ARFIP1: variants seen among roughly 807,000 people sequenced by gnomAD.
The protein encoded by ARFIP1 is ARF interacting protein 1, also known as arfaptin-1.
A neutral mutation model predicts 42.5 loss-of-function variants in ARFIP1; 24 were observed. That is an observed-to-expected ratio of 0.57 (90% confidence interval 0.41 to 0.80). ARFIP1 has a LOEUF of 0.80. Among genes scored for constraint, ARFIP1 ranks in the 30% least tolerant of loss-of-function variants. ARFIP1 has a pLI of 0.00. For synonymous variants in ARFIP1, 141 were observed against 153.7 expected (o/e 0.92, Z 0.61); for missense variants, 354 against 434.0 (o/e 0.82, Z 1.64).
Position 152,811,802 on chromosome 4 carries a change from A to AT in ARFIP1, c.-9-17817dup, listed in dbSNP as rs994052806. ...AAAGCATGAGTGAGGTATCATGTAT[A>AT]TTTTTTGTCCAGGGAGATAACATGG... On this transcript the variant is annotated intron_variant, in intron 1 of 8. Coordinates refer to ENST00000353617, the MANE Select transcript of ARFIP1 (RefSeq NM_001025595.3). Among the ~76,000 whole-genome samples the AT allele has an allele frequency of 3.9e-5, 6 of 152,276 alleles. 1 individual carries two copies. The highest frequency in any genetic ancestry group is 3.9e-4 in the East Asian group (2 of 5,176).
At chr4:152,889,532 T>C (rs1277960693) in intron 8 of ARFIP1, among the ~76,000 whole-genome samples, 14 of 46,898 alleles carry the variant, frequency 3.0e-4, no homozygotes, top group African/African-American at 7.5e-4. Context: ...TATATATATA[T>C]ATACACCTAT....
At chr4:152,785,802 A>G (rs149984598) in intron 1 of ARFIP1, among the ~76,000 whole-genome samples, 6 of 152,342 alleles carry the variant, frequency 3.9e-5, no homozygotes, top group African/African-American at 1.4e-4. Context: ...AGCCACATGT[A>G]GCTATTTAAG....
At chr4:152,906,967 A>G (rs1473453354) in intron 8 of ARFIP1, among the ~76,000 whole-genome samples, 1 of 152,166 alleles carries the variant, frequency 6.6e-6, no homozygotes, top group African/African-American at 2.4e-5. Flanking sequence ...TGTTACCTCA[A>G]TGAGCCCTTC....
chr4:152,845,386 C>T (rs1383274804), intron 2 of ARFIP1, among the ~76,000 whole-genome samples: 3 of 152,026 alleles, frequency 2.0e-5, no homozygotes, highest in Non-Finnish European at 2.9e-5. Flanking sequence ...TTCTGCATAG[C>T]AAAAGAAACT....
intron 3 of ARFIP1, among the ~76,000 whole-genome samples, chr4:152,866,840 G>T (rs1184359637): frequency 6.6e-6 from 1 of 150,754 alleles, no homozygotes; most frequent in Admixed American, 6.6e-5. Flanking sequence ...AGGCAGAGGC[G>T]CTCTTCACAT....
chr4:152,858,936 CA>C (rs1366948446), intron 2 of ARFIP1, among the ~76,000 whole-genome samples: 1 of 152,166 alleles, frequency 6.6e-6, no homozygotes, highest in African/African-American at 2.4e-5. Context: ...ACCTCATATC[CA>C]AACCAGATGG....
chr4:152,821,734 A>G (rs1352618282), intron 1 of ARFIP1, among the ~76,000 whole-genome samples: 1 of 152,196 alleles, frequency 6.6e-6, no homozygotes, highest in Non-Finnish European at 1.5e-5. Flanking sequence ...TTCCTAGAGC[A>G]GTTAGACAAA....
chr4:152,875,412 TCA>T (rs1447304231), intron 5 of ARFIP1, among the ~76,000 whole-genome samples: 1 of 147,936 alleles, frequency 6.8e-6, no homozygotes, highest in Non-Finnish European at 1.5e-5. Context: ...GAATAATCTC[TCA>T]GTTTCAGCAT....
At position 152,896,605 on chromosome 4, in the gene ARFIP1, A is replaced by G. The variant is rs797010984; in HGVS notation, c.966+8298A>G. On this transcript the variant is annotated intron_variant, in intron 8 of 8. Transcript: ENST00000353617. ...GAAGGATTAATAAAATCAGTTACCT[A>G]TAGAGGGAACAGGGTGAATGGAAAC... Among the ~76,000 whole-genome samples the G allele has an allele frequency of 2.6e-5, 4 of 152,344 alleles. No homozygotes were observed. In the East Asian group the frequency reaches 5.8e-4, roughly 22 times the overall value.
At chr4:152,908,948 G>C (rs557670030) in intron 8 of ARFIP1, among the ~76,000 whole-genome samples, 1 of 148,226 alleles carries the variant, frequency 6.7e-6, no homozygotes, top group Non-Finnish European at 1.5e-5. Flanking sequence ...GTGTAATATA[G>C]TGAAACAAAT....
chr4:152,863,729 A>G lies in ARFIP1; in HGVS notation c.202+15A>G. ...AGCATTTCAAGGTAAGAGCCCATAT[A>G]TTTGTAAAGATGGCTGGGATAGAGG... On this transcript the variant is annotated intron_variant, in intron 3 of 8. Coordinates refer to ENST00000353617, the MANE Select transcript of ARFIP1 (RefSeq NM_001025595.3). 6.6e-7 allele frequency: 1 copy of G among 1,516,920 alleles called. No homozygotes were observed. The highest frequency in any genetic ancestry group is 9.1e-7 in the Non-Finnish European group (1 of 1,095,412). The allele number at this position is 1,516,920 out of a possible 1,614,324, so 94.0% of individuals were successfully genotyped here.
chr4:152,782,957 A>G (rs929724388), intron 1 of ARFIP1, among the ~76,000 whole-genome samples: 4 of 152,152 alleles, frequency 2.6e-5, no homozygotes, highest in Admixed American at 1.3e-4. Flanking sequence ...TGCTCACAGA[A>G]TAAGTTTTCC....
At chr4:152,870,682 C>A in intron 3 of ARFIP1, 71 bp from the exon 4 acceptor site, 3 of 998,034 alleles carry the variant, frequency 3.0e-6, no homozygotes, top group Admixed American at 1.8e-5. Flanking sequence ...ATATCAGTAA[C>A]CCTATATTCA....
At chr4:152,812,002 G>C (rs1331405894) in intron 1 of ARFIP1, among the ~76,000 whole-genome samples, 1 of 152,262 alleles carries the variant, frequency 6.6e-6, no homozygotes, top group East Asian at 1.9e-4. Context: ...GAGTATTCTT[G>C]TTACCTACTT....
rs572005012 is a variant in ARFIP1, at chr4:152,871,046, G to GT, written c.298+199dup. Among the ~76,000 whole-genome samples, 812 of 152,244 alleles carry GT rather than the reference G, an allele frequency of 5.3e-3. 8 individuals carry two copies. Among genetic ancestry groups the GT allele is most frequent in the African/African-American group, 0.019 (780 of 41,532 alleles). ...TGTGGCTTTTCAGAATAATTCGGCT[G>GT]TATCTCACACCTGAAACTTAATCCA... On this transcript the variant is annotated intron_variant, in intron 4 of 8. Transcript: ENST00000353617.
chr4:152,902,653 C>G (rs1315308079), intron 8 of ARFIP1, among the ~76,000 whole-genome samples: 1 of 152,226 alleles, frequency 6.6e-6, no homozygotes, highest in African/African-American at 2.4e-5. Context: ...CTCTTTCTTT[C>G]ATTCTGTGCT....
intron 1 of ARFIP1, among the ~76,000 whole-genome samples, chr4:152,828,824 A>G (rs549769945): frequency 6.6e-6 from 1 of 152,202 alleles, no homozygotes; most frequent in Non-Finnish European, 1.5e-5. Flanking sequence ...GTTTTCTCCT[A>G]TGCTCTCTTT....
At chr4:152,840,694 C>T (rs1029339330) in intron 2 of ARFIP1, among the ~76,000 whole-genome samples, 3 of 150,710 alleles carry the variant, frequency 2.0e-5, no homozygotes, top group African/African-American at 7.3e-5. Flanking sequence ...GAGTTCTTAT[C>T]CATTCTGTGG....
At chr4:152,848,661 A>G (rs1732753588) in intron 2 of ARFIP1, among the ~76,000 whole-genome samples, 1 of 151,332 alleles carries the variant, frequency 6.6e-6, no homozygotes, top group Non-Finnish European at 1.5e-5. Flanking sequence ...ACATGTTGTA[A>G]CTTATTTATC....
Sources: allele counts gnomAD v4.1 joint callset (sites outside exome capture counted in the v4.1 genomes callset), GRCh38; gene constraint gnomAD v4.1.1; transcripts MANE v1.5; gene names NCBI Gene and HGNC (gene_info 2026-07-23, HGNC 2026-07-21).